The following CIC variants were observed in gnomAD, a reference collection of about 807,000 sequenced individuals.
CIC encodes the protein protein capicua homolog.
A neutral mutation model predicts 115.7 loss-of-function variants in CIC; 18 were observed. The observed-to-expected ratio is 0.16, with a 90% CI of 0.11 to 0.23. The LOEUF is 0.23. Ranked by LOEUF, CIC falls within the 10% of genes least tolerant of loss-of-function variation. The pLI is 1.00. For missense variants in CIC, 2,000 were observed against 2,159.3 expected (o/e 0.93, Z 1.46); for synonymous variants, 1,076 against 923.0 (o/e 1.17, Z -3.01).
chr19:42,295,055 C>G lies in CIC; in HGVS notation c.7418C>G (p.Ser2473Trp). The change falls in exon 21 of 21, where the codon TCG (serine) becomes TGG (tryptophan). Residue 2473 changes from serine to tryptophan, a missense_variant. This residue lies in a region of CIC where 133 missense variants were observed against 116.0 expected (regional missense o/e 1.15). Transcript: ENST00000681038. ...GGCCCTGACCCCACCTCACCCAGCT[C>G]GGACTCTGGCACGGCCCAGGCTGCC... is the stretch of plus-strand genomic sequence containing the variant. ...AGGPDPTSPS[S>W]DSGTAQAAPP... 2 of 1,535,178 alleles carry G rather than the reference C, an allele frequency of 1.3e-6. No individual in the cohort carries two copies. The highest frequency in any genetic ancestry group is 1.4e-5 in the African/African-American group (1 of 73,062).
chr19:42,295,298 C>T lies in CIC; in HGVS notation c.*107C>T. ...CCGGGTAAAGCCATTTCGTCCTCTC[C>T]AGTTTGGGGCGGAATGAGGCCTGCT... On this transcript the variant is annotated 3_prime_UTR_variant, in exon 21 of 21. Coordinates refer to ENST00000681038, the MANE Select transcript of CIC (RefSeq NM_001386298.1). The T allele has an allele frequency of 9.8e-7, 1 of 1,017,490 alleles. No homozygotes were observed. The highest frequency in any genetic ancestry group is 1.4e-6 in the Non-Finnish European group (1 of 694,326). 63.0% of individuals were successfully genotyped at this position (1,017,490 alleles called of 1,614,324 possible).
Position 42,291,418 on chromosome 19 carries a change from C to G in CIC, c.5377C>G (p.Pro1793Ala). The change falls in exon 11 of 21, where the codon CCT (proline) becomes GCT (alanine). Residue 1793 changes from proline (P) to alanine (A), a missense_variant. Pro to Ala is a conservative substitution (Grantham distance 27). This residue lies in a region of CIC where 1,466 missense variants were observed against 1,390.4 expected (regional missense o/e 1.05). Coordinates refer to ENST00000681038, the MANE Select transcript of CIC (RefSeq NM_001386298.1). Reference protein sequence around the residue: ...GKVLAATAPTPGIPILQSVPS... With the variant: ...GKVLAATAPTAGIPILQSVPS... Reference sequence around the variant, plus strand: ...AGTCCTGGCTGCCACTGCACCCACTCCTGGCATCCCCATCCTGCAGTCTGT... The same window carrying G: ...AGTCCTGGCTGCCACTGCACCCACTGCTGGCATCCCCATCCTGCAGTCTGT... The G allele has an allele frequency of 6.2e-7, 1 of 1,612,992 alleles. No individual in the cohort carries two copies. The highest frequency in any genetic ancestry group is 8.5e-7 in the Non-Finnish European group (1 of 1,179,980).
At position 42,293,097 on chromosome 19, in the gene CIC, C is replaced by T. The variant is rs764471515; in HGVS notation, c.6338C>T (p.Pro2113Leu). The change falls in exon 16 of 21, where the codon CCC (proline) becomes CTC (leucine). Residue 2113 changes from proline (P) to leucine (L), a missense_variant. Physicochemically the swap from Pro to Leu is moderately conservative, Grantham distance 98 (BLOSUM62 -3). Coordinates refer to ENST00000681038, the MANE Select transcript of CIC (RefSeq NM_001386298.1). ...AGASGRPGPA[P>L]RQPLEPGPVR... The stretch of plus-strand genomic sequence containing the variant: ...GCCTCTGGGCGGCCTGGCCCTGCAC[C>T]CCGGCAGCCTCTGGAGCCTGGCCCA... 2.5e-6 allele frequency: 4 copies of T among 1,610,108 alleles called. No individual in the cohort carries two copies. In the East Asian group the frequency reaches 8.9e-5, roughly 36 times the overall value.
chr19:42,284,622 C>T (rs2037481883), intron 2 of CIC: 16 of 1,005,952 alleles, frequency 1.6e-5, no homozygotes, highest in Non-Finnish European at 1.9e-5. Flanking sequence ...CAAGCGGCGA[C>T]GGCCGAGGAG....
At position 42,293,199 on chromosome 19, in the gene CIC, C is replaced by T. The variant is rs751146341; in HGVS notation, c.6440C>T (p.Thr2147Ile). ...CCAGCCCCTCCACCCCTGCCAGAGA[C>T]CTGGACTCCCACGGCCCGGAGCAGC... The part of the protein sequence containing the change: ...TPPAPPPLPE[T>I]WTPTARSSPP... The change falls in exon 16 of 21, where the codon ACC becomes ATC. Residue 2147 changes from threonine (T) to isoleucine (I), a missense_variant. Thr to Ile is a moderately conservative substitution (Grantham distance 89). Around this residue, in one of 8 missense-constraint regions of CIC, gnomAD observed 1,466 missense variants for 1,390.4 expected, o/e 1.05. Transcript: ENST00000681038. The T allele has an allele frequency of 1.3e-6, 2 of 1,599,838 alleles. No individual in the cohort carries two copies. Among genetic ancestry groups the T allele is most frequent in the Non-Finnish European group, 8.5e-7 (1 of 1,174,232 alleles).
In CIC at chr19:42,291,188, C is replaced by G; in HGVS notation, c.5147C>G (p.Pro1716Arg). The part of the protein sequence containing the change: ...GAGSGPNGPV[P>R]LGILQPGALG... ...GGGAGTGGCCCCAATGGGCCAGTAC[C>G]CCTGGGCATCCTGCAACCAGGTGCC... is the stretch of plus-strand genomic sequence containing the variant. The change falls in exon 11 of 21, where the codon CCC becomes CGC. Residue 1716 changes from proline to arginine, a missense_variant. Transcript: ENST00000681038. The G allele has an allele frequency of 6.2e-7, 1 of 1,609,978 alleles. No homozygotes were observed. The highest frequency in any genetic ancestry group is 1.1e-5 in the South Asian group (1 of 90,754).
Position 42,292,380 on chromosome 19 carries a change from C to T in CIC, c.5816C>T (p.Thr1939Ile). Reference sequence around the variant, plus strand: ...GCGTCCAGCCAGGCTGGAACAGTCACCTCGTACGGGCCCACGAGCTCTGTA... The same window carrying T: ...GCGTCCAGCCAGGCTGGAACAGTCATCTCGTACGGGCCCACGAGCTCTGTA... Reference protein sequence around the residue: ...SPASSQAGTVTSYGPTSSVAL... With the variant: ...SPASSQAGTVISYGPTSSVAL... Residue 1939 changes from threonine (T) to isoleucine (I), a missense_variant, in exon 14 of 21, where the codon ACC becomes ATC. Thr to Ile is a moderately conservative substitution (Grantham distance 89). Coordinates refer to ENST00000681038, the MANE Select transcript of CIC (RefSeq NM_001386298.1). 1 of 1,612,874 alleles carries T rather than the reference C, an allele frequency of 6.2e-7. No homozygotes were observed. The highest frequency in any genetic ancestry group is 8.5e-7 in the Non-Finnish European group (1 of 1,179,850).
At chr19:42,269,698 A>G (rs1297117838) in intron 1 of CIC, among the ~76,000 whole-genome samples, 1 of 142,676 alleles carries the variant, frequency 7.0e-6, no homozygotes, top group Non-Finnish European at 1.5e-5. Context: ...AGGTCCGGAG[A>G]TGGCTGACAG....
rs963633880 is a variant in CIC, at chr19:42,277,210, C to T, written c.2794+2633C>T. Among the ~76,000 whole-genome samples the T allele has an allele frequency of 7.2e-5, 11 of 152,284 alleles. No individual in the cohort carries two copies. In the South Asian group the frequency reaches 8.3e-4, roughly 11 times the overall value. On this transcript the variant is annotated intron_variant, in intron 2 of 20. Transcript: ENST00000681038. ...AGCCTGAAAGGCTAAGTGACTTGCC[C>T]GGGTCCTCCAGCTAGGAAGAGAGAG...
chr19:42,286,946 A>C (rs1599890439), intron 3 of CIC, 26 bp downstream of exon 3: 1 of 1,608,428 alleles, frequency 6.2e-7, no homozygotes, highest in East Asian at 2.2e-5. Flanking sequence ...GACTGGGGGG[A>C]GGCAAGGGTG....
In CIC at chr19:42,294,160, T is replaced by G. The variant is rs760976002; in HGVS notation, c.6923-13T>G. On this transcript the variant is annotated splice_polypyrimidine_tract_variant and intron_variant, in intron 18 of 20. Transcript: ENST00000681038. The stretch of plus-strand genomic sequence containing the variant: ...TGGGGCCACCTGCACTGAGTCTGCT[T>G]CTGTTTGGCCAGACCTGGATTCAGC... 5.0e-6 allele frequency: 8 copies of G among 1,613,860 alleles called. No individual in the cohort carries two copies. The South Asian group carries it at 6.6e-5, about 13-fold the overall frequency.
chr19:42,289,972 G>A, intron 10 of CIC, 21 bp downstream of exon 10: 1 of 1,563,622 alleles, frequency 6.4e-7, no homozygotes, highest in Non-Finnish European at 8.7e-7. Context: ...GGGTCACGGT[G>A]CTGTCCCATC....
At chr19:42,288,715 C>G (rs976303007) in intron 7 of CIC, among the ~76,000 whole-genome samples, 173 bp from the exon 8 acceptor site, 3 of 152,012 alleles carry the variant, frequency 2.0e-5, no homozygotes, top group African/African-American at 7.2e-5. Context: ...CAGGAATCAG[C>G]AGGAATGAGA....
At position 42,288,877 on chromosome 19, in the gene CIC, C is replaced by T. The variant is rs1413471015; in HGVS notation, c.3659-11C>T. 4 of 1,613,586 alleles carry T rather than the reference C, an allele frequency of 2.5e-6. No homozygotes were observed. In the South Asian group the frequency reaches 4.4e-5, roughly 18 times the overall value. ...TTACTGACTGTCATAGCGCCACTCT[C>T]TACTTTACAGTGTCCTCTGAGCTCC... On this transcript the variant is annotated splice_polypyrimidine_tract_variant and intron_variant, in intron 7 of 20. Transcript: ENST00000681038.
At chr19:42,294,428 CAGT>C (rs2038369536) in intron 19 of CIC, 124 bp downstream of exon 19, 6 of 1,552,912 alleles carry the variant, frequency 3.9e-6, no homozygotes, top group East Asian at 2.3e-5. Flanking sequence ...CACAGCCTGT[CAGT>C]GGTGGGTTCT....
intron 9 of CIC, 53 bp downstream of exon 9, chr19:42,289,459 A>G: frequency 6.5e-7 from 1 of 1,535,966 alleles, no homozygotes; most frequent in Non-Finnish European, 8.8e-7. Flanking sequence ...GCCAAGGCTC[A>G]GAGGGTGGGC....
rs914761597 is a variant in CIC at position 42,292,022 on chromosome 19, G to C, written c.5614-64G>C. 5 of 1,609,194 alleles carry C rather than the reference G, an allele frequency of 3.1e-6. No individual in the cohort carries two copies. In the African/African-American group the frequency reaches 6.7e-5, roughly 22 times the overall value. ...TGCTTAGAGTCCCACTTGAGGTCTT[G>C]GTCTTCCCCTGCCCCAGTCTGGGGC... is the stretch of plus-strand genomic sequence containing the variant. On this transcript the variant is annotated intron_variant, in intron 12 of 20. Transcript: ENST00000681038.
Position 42,270,250 on chromosome 19 carries a change from T to TGCCTGTGAGGACCCCA in CIC, c.-11+871_-11+886dup, listed in dbSNP as rs2036727865. 6.6e-6 allele frequency among the ~76,000 whole-genome samples: 1 copy of TGCCTGTGAGGACCCCA among 152,166 alleles called. No individual in the cohort carries two copies. The highest frequency in any genetic ancestry group is 1.9e-4 in the East Asian group (1 of 5,172). On this transcript the variant is annotated intron_variant, in intron 1 of 20. Coordinates refer to ENST00000681038, the MANE Select transcript of CIC (RefSeq NM_001386298.1). This position sits in a 1 kb window ranked among gnomAD's most constrained non-coding sequence, Gnocchi z 4.1. Reference sequence around the variant, plus strand: ...CAGCCCCGGGACGCCCTCCAGGCTCTGCCTGTGAGGACCCCAGGATTGGCC... The same window carrying TGCCTGTGAGGACCCCA: ...CAGCCCCGGGACGCCCTCCAGGCTCTGCCTGTGAGGACCCCAGCCTGTGAGGACCCCAGGATTGGCC...
At chr19:42,290,146 CT>C in intron 10 of CIC, 86 bp from the exon 11 acceptor site, 1 of 1,588,676 alleles carries the variant, frequency 6.3e-7, no homozygotes, top group Non-Finnish European at 8.6e-7. Context: ...GCTGGCCTGG[CT>C]GACAGGCTGG....
Sources: allele counts gnomAD v4.1 joint callset (sites outside exome capture counted in the v4.1 genomes callset), GRCh38; gene constraint gnomAD v4.1.1; regional missense constraint gnomAD v4.1.1; non-coding constraint Gnocchi (gnomAD v3.1); transcripts MANE v1.5; gene names NCBI Gene and HGNC (gene_info 2026-07-23, HGNC 2026-07-21).